The following FSTL5 variants were observed in gnomAD, a reference collection of about 807,000 sequenced individuals.
FSTL5 encodes follistatin-related protein 5.
In FSTL5, 62 loss-of-function variants were observed where a neutral mutation model predicts 89.1. The observed-to-expected ratio is 0.70, with a 90% CI of 0.57 to 0.86. The LOEUF is 0.86. Ranked by LOEUF, FSTL5 falls within the 40% of genes least tolerant of loss-of-function variation. FSTL5 has a pLI of 0.00. For synonymous variants in FSTL5, 383 were observed against 346.2 expected, an observed-to-expected ratio of 1.11 and a Z score of -1.18; for missense variants, 1,057 against 1,001.6, an observed-to-expected ratio of 1.06 and a Z score of -0.75.
chr4:161,462,771 C>T (rs891899176), intron 13 of FSTL5, among the ~76,000 whole-genome samples: 5 of 151,998 alleles, frequency 3.3e-5, no homozygotes, highest in African/African-American at 1.2e-4. Context: ...TGACTGTTAG[C>T]ATCATAATGT....
At chr4:161,514,242 TACACAC>T (rs1284436331) in intron 10 of FSTL5, among the ~76,000 whole-genome samples, 3 of 148,868 alleles carry the variant, frequency 2.0e-5, no homozygotes, top group Non-Finnish European at 4.4e-5. Context: ...CACACACACA[TACACAC>T]ACACAGACAC....
At chr4:161,911,756 A>T (rs1733699754) in intron 4 of FSTL5, among the ~76,000 whole-genome samples, 2 of 152,214 alleles carry the variant, frequency 1.3e-5, no homozygotes, top group African/African-American at 2.4e-5. Flanking sequence ...TTAATTTTTT[A>T]AAAATTGTTT....
At chr4:162,158,926 C>T (rs997717042) in intron 1 of FSTL5, among the ~76,000 whole-genome samples, 19 of 152,046 alleles carry the variant, frequency 1.2e-4, no homozygotes, top group African/African-American at 4.6e-4. Context: ...AATGTCTTTA[C>T]TAGTACCAAC....
At chr4:161,619,889 C>A (rs1292085777) in intron 7 of FSTL5, among the ~76,000 whole-genome samples, 1 of 151,950 alleles carries the variant, frequency 6.6e-6, no homozygotes, top group South Asian at 2.1e-4. Flanking sequence ...CACATGCACA[C>A]GTATGTTTAT....
chr4:161,439,772 T>C (rs546989168), intron 15 of FSTL5, among the ~76,000 whole-genome samples: 3 of 152,252 alleles, frequency 2.0e-5, no homozygotes, highest in East Asian at 1.9e-4. Context: ...AATATATGTA[T>C]ATACAGGGTG....
At chr4:161,698,269 A>T (rs1738252521) in intron 6 of FSTL5, among the ~76,000 whole-genome samples, 1 of 152,194 alleles carries the variant, frequency 6.6e-6, no homozygotes, top group African/African-American at 2.4e-5. Flanking sequence ...TGTGAGAAAT[A>T]AATGTTTGTT....
intron 2 of FSTL5, among the ~76,000 whole-genome samples, chr4:162,099,406 C>T (rs941254734): frequency 1.3e-5 from 2 of 152,012 alleles, no homozygotes; most frequent in Non-Finnish European, 2.9e-5. Flanking sequence ...AAACACTTTA[C>T]AATAAAAATG....
At chr4:161,881,148 GGTTT>G (rs1345757471) in intron 4 of FSTL5, among the ~76,000 whole-genome samples, 1 of 149,102 alleles carries the variant, frequency 6.7e-6, no homozygotes, top group African/African-American at 2.4e-5. Flanking sequence ...AAATTATTTT[GGTTT>G]AATTTTTTCA....
At chr4:161,433,484 C>T (rs1002378228) in intron 15 of FSTL5, among the ~76,000 whole-genome samples, 27 of 152,188 alleles carry the variant, frequency 1.8e-4, no homozygotes, top group African/African-American at 6.5e-4. Context: ...AAAGCCTTTC[C>T]TCTAAGAGCT....
intron 3 of FSTL5, among the ~76,000 whole-genome samples, chr4:162,000,067 G>A (rs937510255): frequency 3.9e-5 from 6 of 152,140 alleles, no homozygotes; most frequent in African/African-American, 1.4e-4. Context: ...TTTGCTTAAG[G>A]GCTATCAGGA....
intron 2 of FSTL5, among the ~76,000 whole-genome samples, chr4:162,098,498 T>C (rs1579025772): frequency 6.6e-6 from 1 of 152,026 alleles, no homozygotes; most frequent in Non-Finnish European, 1.5e-5. Flanking sequence ...TGGGATGCAA[T>C]GAGTTAATGC....
At chr4:162,012,096 T>C (rs533877777) in intron 3 of FSTL5, among the ~76,000 whole-genome samples, 2 of 152,308 alleles carry the variant, frequency 1.3e-5, no homozygotes, top group East Asian at 3.9e-4. Context: ...TAAATCTCCA[T>C]GTGATGCACT....
chr4:161,738,012 G>A (rs1234121450), intron 6 of FSTL5, among the ~76,000 whole-genome samples: 1 of 151,982 alleles, frequency 6.6e-6, no homozygotes, highest in African/African-American at 2.4e-5. Context: ...TTAAGACTAT[G>A]AATAAAAATG....
In FSTL5 at chr4:161,723,624, C is replaced by T. The variant is rs537020588; in HGVS notation, c.727+35787G>A. On this transcript the variant is annotated intron_variant, in intron 6 of 15. Coordinates refer to ENST00000306100, the MANE Select transcript of FSTL5 (RefSeq NM_020116.5). ...CATTGCATCCTGGGAGATGGAATGG[C>T]TTCAGAACTAGAACAATGCCAGCAA... is the stretch of plus-strand genomic sequence containing the variant. Among the ~76,000 whole-genome samples the T allele has an allele frequency of 7.2e-5, 11 of 152,206 alleles. No individual in the cohort carries two copies. The South Asian group carries it at 1.9e-3, about 26-fold the overall frequency.
intron 3 of FSTL5, among the ~76,000 whole-genome samples, chr4:161,942,980 C>G (rs2110928415): frequency 6.6e-6 from 1 of 152,186 alleles, no homozygotes; most frequent in African/African-American, 2.4e-5. Context: ...GGCAAAGCTG[C>G]AGAACACATT....
At chr4:161,419,300 A>G (rs1433990812) in intron 15 of FSTL5, among the ~76,000 whole-genome samples, 1 of 152,126 alleles carries the variant, frequency 6.6e-6, no homozygotes, top group Non-Finnish European at 1.5e-5. Flanking sequence ...TAAACCATAC[A>G]TATTTGCCAA....
chr4:161,528,554 T>C (rs1731308072), intron 10 of FSTL5, among the ~76,000 whole-genome samples: 1 of 142,812 alleles, frequency 7.0e-6, no homozygotes, highest in Non-Finnish European at 1.5e-5. Flanking sequence ...TAGAAATATA[T>C]GGCATAAATT....
chr4:161,613,975 T>C (rs770031720), intron 7 of FSTL5, among the ~76,000 whole-genome samples: 12 of 152,178 alleles, frequency 7.9e-5, no homozygotes, highest in Admixed American at 3.3e-4. Context: ...ATATTACATT[T>C]CCAAATACAT....
chr4:161,403,233 A>AT (rs1731242130), intron 15 of FSTL5, among the ~76,000 whole-genome samples: 1 of 152,176 alleles, frequency 6.6e-6, no homozygotes, highest in African/African-American at 2.4e-5. Flanking sequence ...TTCTTCCTAT[A>AT]GGATTTCCTG....
Sources: gnomAD v4.1 joint callset for allele counts (sites outside exome capture counted in the v4.1 genomes callset) on GRCh38, gnomAD v4.1.1 for gene constraint, MANE v1.5 for transcripts, NCBI Gene and HGNC (gene_info 2026-07-23, HGNC 2026-07-21) for gene names.